FBXO22: variants seen among roughly 807,000 people sequenced by gnomAD.
FBXO22 encodes the protein F-box protein 22, also known as F-box only protein 22.
A neutral mutation model predicts 37.2 loss-of-function variants in FBXO22; 13 were observed. The observed-to-expected ratio is 0.35, with a 90% CI of 0.23 to 0.56. The LOEUF is 0.56. Among genes scored for constraint, FBXO22 ranks in the 20% least tolerant of loss-of-function variants. The pLI is 0.87. For synonymous variants in FBXO22, 189 were observed against 189.1 expected, an observed-to-expected ratio of 1.00 and a Z score of 0.00; for missense variants, 446 against 509.9, an observed-to-expected ratio of 0.87 and a Z score of 1.21.
chr15:75,912,059 A>G lies in FBXO22; in HGVS notation c.280-1144A>G, dbSNP rs184282266. ...CATCGGTTCTGTTTATATGATGTAT[A>G]TGTTTATATGACGTGTATTGATTTG... On this transcript the variant is annotated intron_variant, in intron 2 of 6. Transcript: ENST00000308275. 5.8e-4 allele frequency among the ~76,000 whole-genome samples: 87 copies of G among 150,418 alleles called. 1 individual carries two copies. The highest frequency in any genetic ancestry group is 2.0e-3 in the African/African-American group (81 of 41,112).
intron 5 of FBXO22, among the ~76,000 whole-genome samples, chr15:75,919,878 T>A (rs1900281142): frequency 6.6e-6 from 1 of 152,226 alleles, no homozygotes; most frequent in Non-Finnish European, 1.5e-5. Flanking sequence ...GTATGCCAGA[T>A]ACTGTGCTGC....
intron 4 of FBXO22, among the ~76,000 whole-genome samples, chr15:75,915,268 C>G (rs1900157088): frequency 6.6e-6 from 1 of 152,164 alleles, no homozygotes; most frequent in South Asian, 2.1e-4. Flanking sequence ...CTGCACCTGG[C>G]TGCTGTTATG....
intron 3 of FBXO22, 81 bp downstream of exon 3, chr15:75,913,371 G>C: frequency 1.1e-6 from 1 of 933,332 alleles, no homozygotes; most frequent in Non-Finnish European, 1.7e-6. Flanking sequence ...TACTTGTCCT[G>C]AGAGTTAACT....
At chr15:75,921,848 AT>A (rs1900332666) in intron 5 of FBXO22, among the ~76,000 whole-genome samples, 1 of 152,160 alleles carries the variant, frequency 6.6e-6, no homozygotes. Context: ...TCAAGATAAT[AT>A]CACTGTCTTC....
intron 2 of FBXO22, among the ~76,000 whole-genome samples, chr15:75,909,874 G>A (rs935743265): frequency 1.3e-5 from 2 of 151,056 alleles, no homozygotes; most frequent in African/African-American, 2.4e-5. Context: ...CCATCAACCC[G>A]TCATCTACAT....
chr15:75,921,652 C>G (rs112978347), intron 5 of FBXO22, among the ~76,000 whole-genome samples: 2 of 151,966 alleles, frequency 1.3e-5, no homozygotes, highest in African/African-American at 4.8e-5. Context: ...CAGCGAGACT[C>G]TATCTCAAAA....
chr15:75,933,204 T>C lies in FBXO22; in HGVS notation c.*102T>C, dbSNP rs931851586. ...TTTCAAACAAAAATAACTTTAGATATATCTTTTTTGTAGCTTTGATTGATG... is the reference window on the plus strand; with the variant it reads ...TTTCAAACAAAAATAACTTTAGATACATCTTTTTTGTAGCTTTGATTGATG... On this transcript the variant is annotated 3_prime_UTR_variant, in exon 7 of 7. Coordinates refer to ENST00000308275, the MANE Select transcript of FBXO22 (RefSeq NM_147188.3). 5 of 983,672 alleles carry C rather than the reference T, an allele frequency of 5.1e-6. No homozygotes were observed. Among genetic ancestry groups the C allele is most frequent in the African/African-American group, 4.9e-5 (3 of 60,792 alleles). 60.9% of individuals were successfully genotyped at this position (983,672 alleles called of 1,614,324 possible). A position where few individuals can be genotyped will look rare whatever the true frequency, so the allele number is the denominator to read the frequency against.
At chr15:75,906,933 A>AT (rs1356749675) in intron 2 of FBXO22, among the ~76,000 whole-genome samples, 4 of 152,250 alleles carry the variant, frequency 2.6e-5, no homozygotes, top group African/African-American at 9.6e-5. Flanking sequence ...GAAAATGTTG[A>AT]TTTTAAAAGT....
chr15:75,917,197 T>A, intron 4 of FBXO22, 33 bp from the exon 5 acceptor site: 1 of 1,542,208 alleles, frequency 6.5e-7, no homozygotes, highest in South Asian at 1.2e-5. Flanking sequence ...TTTTACTGAC[T>A]CTATTGGTGA....
In FBXO22 at chr15:75,938,244, A is replaced by G. The variant is rs2141737729; in HGVS notation, c.*5142A>G. The G allele has an allele frequency of 6.6e-6, 1 of 152,326 alleles. No homozygotes were observed. Among genetic ancestry groups the G allele is most frequent in the East Asian group, 1.9e-4 (1 of 5,194 alleles). 9.4% of individuals were successfully genotyped at this position (152,326 alleles called of 1,614,324 possible). The stretch of plus-strand genomic sequence containing the variant: ...GAAGGAATAGTCTTTTATAAAAATA[A>G]TTTGGAAAACTCTCAAAACAAATGG... On this transcript the variant is annotated 3_prime_UTR_variant, in exon 7 of 7. Coordinates refer to ENST00000308275, the MANE Select transcript of FBXO22 (RefSeq NM_147188.3).
At chr15:75,913,912 A>G (rs1032897408) in intron 3 of FBXO22, among the ~76,000 whole-genome samples, 198 bp from the exon 4 acceptor site, 1 of 152,236 alleles carries the variant, frequency 6.6e-6, no homozygotes, top group African/African-American at 2.4e-5. Context: ...TAGTGGTGCA[A>G]AAGATCAGAT....
In FBXO22 at chr15:75,933,125, A is replaced by G. The variant is rs1162878544; in HGVS notation, c.*23A>G. The G allele has an allele frequency of 6.4e-7, 1 of 1,563,536 alleles. No homozygotes were observed. The highest frequency in any genetic ancestry group is 8.6e-7 in the Non-Finnish European group (1 of 1,157,776). On this transcript the variant is annotated 3_prime_UTR_variant, in exon 7 of 7. Coordinates refer to ENST00000308275, the MANE Select transcript of FBXO22 (RefSeq NM_147188.3). The stretch of plus-strand genomic sequence containing the variant: ...TAATAATTAAAGTGGCTTTCATAAT[A>G]TGTAACTTTTGGGTTCTGCCTTTTT...
At chr15:75,915,838 T>TG (rs1475858623) in intron 4 of FBXO22, among the ~76,000 whole-genome samples, 8 of 150,746 alleles carry the variant, frequency 5.3e-5, no homozygotes, top group African/African-American at 2.0e-4. Flanking sequence ...AGGCAGAGGT[T>TG]GCAGTGAGCC....
Position 75,933,667 on chromosome 15 carries a change from G to T in FBXO22, c.*565G>T. 5.1e-6 allele frequency: 1 copy of T among 197,554 alleles called. No homozygotes were observed. Among genetic ancestry groups the T allele is most frequent in the South Asian group, 6.5e-5 (1 of 15,360 alleles). The allele number at this position is 197,554 out of a possible 1,614,324, so 12.2% of individuals were successfully genotyped here. A position where few individuals can be genotyped will look rare whatever the true frequency, so the allele number is the denominator to read the frequency against. On this transcript the variant is annotated 3_prime_UTR_variant, in exon 7 of 7. Coordinates refer to ENST00000308275, the MANE Select transcript of FBXO22 (RefSeq NM_147188.3). The stretch of plus-strand genomic sequence containing the variant: ...TATTTTTGTTTTGGTCAGATAAATT[G>T]ACAAGACTAATCAGTATTTTATTAT...
At chr15:75,919,464 T>C (rs1355959706) in intron 5 of FBXO22, among the ~76,000 whole-genome samples, 1 of 152,202 alleles carries the variant, frequency 6.6e-6, no homozygotes, top group Non-Finnish European at 1.5e-5. Context: ...TAGAAGGTAG[T>C]CAACCTTAAA....
chr15:75,906,122 C>T (rs1899924906), intron 2 of FBXO22, among the ~76,000 whole-genome samples: 1 of 152,144 alleles, frequency 6.6e-6, no homozygotes, highest in Non-Finnish European at 1.5e-5. Flanking sequence ...GGAGCTCCTT[C>T]AGGCTGGCTT....
chr15:75,913,080 T>G, intron 2 of FBXO22, 123 bp from the exon 3 acceptor site: 1 of 570,748 alleles, frequency 1.8e-6, no homozygotes, highest in Non-Finnish European at 3.1e-6. Context: ...TGGTTTTGAG[T>G]GAGTTTCTTA....
At position 75,937,801 on chromosome 15, in the gene FBXO22, A is replaced by G. The variant is rs2030525429; in HGVS notation, c.*4699A>G. ...GTCTGCGGATACTTGAAGGACTGAC[A>G]CAAGGTCACATGTTTGTTTTGCCTA... On this transcript the variant is annotated 3_prime_UTR_variant, in exon 7 of 7. Transcript: ENST00000308275. The G allele has an allele frequency of 6.6e-6, 1 of 152,242 alleles. No homozygotes were observed. The highest frequency in any genetic ancestry group is 2.4e-5 in the African/African-American group (1 of 41,440). The allele number at this position is 152,242 out of a possible 1,614,324, so 9.4% of individuals were successfully genotyped here.
At position 75,934,588 on chromosome 15, in the gene FBXO22, A is replaced by C. The variant is rs568424392; in HGVS notation, c.*1486A>C. ...TTCTCTTGCTATTTATATATATATG[A>C]TAAAAATGCTTGGAAGAGTCCTTTA... On this transcript the variant is annotated 3_prime_UTR_variant, in exon 7 of 7. Transcript: ENST00000308275. The C allele has an allele frequency of 6.6e-6, 1 of 152,192 alleles. No homozygotes were observed. The highest frequency in any genetic ancestry group is 2.1e-4 in the South Asian group (1 of 4,822). 9.4% of individuals were successfully genotyped at this position (152,192 alleles called of 1,614,324 possible).
Sources: gnomAD v4.1 joint callset for allele counts (sites outside exome capture counted in the v4.1 genomes callset) on GRCh38, gnomAD v4.1.1 for gene constraint, MANE v1.5 for transcripts, NCBI Gene and HGNC (gene_info 2026-07-23, HGNC 2026-07-21) for gene names.